Variants in SEC16B observed in about 807,000 individuals in gnomAD.
SEC16B encodes the protein SEC16 homolog B, endoplasmic reticulum export factor.
In SEC16B, 115 loss-of-function variants were observed where a neutral mutation model predicts 141.8. The observed-to-expected ratio is 0.81, with a 90% CI of 0.70 to 0.95. SEC16B has a LOEUF of 0.95. SEC16B is among the 40% of genes least tolerant of loss of function. The pLI is 0.00. For synonymous variants in SEC16B, 493 were observed against 492.5 expected (o/e 1.00, Z -0.01); for missense variants, 1,291 against 1,312.3 (o/e 0.98, Z 0.25).
chr1:177,967,993 T>C lies in SEC16B; in HGVS notation c.-12A>G, dbSNP rs561382370. On this transcript the variant is annotated 5_prime_UTR_variant, in exon 2 of 26. Coordinates refer to ENST00000308284, the MANE Select transcript of SEC16B (RefSeq NM_033127.4). The stretch of plus-strand genomic sequence containing the variant: ...GCCCAAAGTTCCATCCTTGACTCTC[T>C]GAATTTGTCCTGGGTTTTGAGTAAG... The C allele has an allele frequency of 1.3e-6, 2 of 1,587,484 alleles. No homozygotes were observed. Among genetic ancestry groups the C allele is most frequent in the African/African-American group, 1.3e-5 (1 of 74,266 alleles).
At position 177,964,950 on chromosome 1, in the gene SEC16B, T is replaced by C; in HGVS notation, c.533+97A>G. ...GCTACAACAAAGGTACATGGGCTTCTGGAGGTGAGATGGCAGCATCAGACG... is the reference window on the plus strand; with the variant it reads ...GCTACAACAAAGGTACATGGGCTTCCGGAGGTGAGATGGCAGCATCAGACG... On this transcript the variant is annotated intron_variant, in intron 4 of 25. Coordinates refer to ENST00000308284, the MANE Select transcript of SEC16B (RefSeq NM_033127.4). 3.5e-6 allele frequency: 5 copies of C among 1,420,998 alleles called. No homozygotes were observed. In the Admixed American group the frequency reaches 5.8e-5, roughly 16 times the overall value. The allele number at this position is 1,420,998 out of a possible 1,614,324, so 88.0% of individuals were successfully genotyped here.
Position 177,932,854 on chromosome 1 carries a change from C to T in SEC16B, c.2824-48G>A, listed in dbSNP as rs535467411. ...CAGCATTGGCAACATTGGCAGTTAA[C>T]AAATTGATGCCCGCCAATTTGTGTT... On this transcript the variant is annotated intron_variant, in intron 22 of 25. Transcript: ENST00000308284. The T allele has an allele frequency of 1.2e-5, 19 of 1,520,852 alleles. 1 individual carries two copies. The South Asian group carries it at 2.2e-4, about 18-fold the overall frequency. The allele number at this position is 1,520,852 out of a possible 1,614,324, so 94.2% of individuals were successfully genotyped here. A position where few individuals can be genotyped will look rare whatever the true frequency, so the allele number is the denominator to read the frequency against.
At chr1:177,946,597 G>A (rs1225144861) in intron 13 of SEC16B, 66 bp from the exon 14 acceptor site, 1 of 1,259,960 alleles carries the variant, frequency 7.9e-7, no homozygotes, top group Non-Finnish European at 1.1e-6. Context: ...TCATCTGGGT[G>A]GGATGGGAGA....
In SEC16B at chr1:177,967,931, T is replaced by C. The variant is rs1462834246; in HGVS notation, c.51A>G (p.Thr17=). 6.2e-7 allele frequency: 1 copy of C among 1,613,770 alleles called. No homozygotes were observed. The highest frequency in any genetic ancestry group is 8.5e-7 in the Non-Finnish European group (1 of 1,179,684). ...CTCGGTCTGGATCCTTTGAGGGTGCTGTGGCCTTCCCTCGTGTCTGGGGCA... is the reference window on the plus strand; with the variant it reads ...CTCGGTCTGGATCCTTTGAGGGTGCCGTGGCCTTCCCTCGTGTCTGGGGCA... ...QRLPQTRGKA[T]APSKDPDRGF... The change falls in exon 2 of 26, where the codon ACA becomes ACG. Residue 17 remains threonine (T), a synonymous_variant. Coordinates refer to ENST00000308284, the MANE Select transcript of SEC16B (RefSeq NM_033127.4).
Position 177,933,636 on chromosome 1 carries a change from T to A in SEC16B, c.2572A>T (p.Thr858Ser). The A allele has an allele frequency of 6.2e-7, 1 of 1,613,702 alleles. No individual in the cohort carries two copies. The highest frequency in any genetic ancestry group is 8.5e-7 in the Non-Finnish European group (1 of 1,179,748). ...DGQEVISKPQ[T>S]PLAARPRSIS... Reference sequence around the variant, plus strand: ...CTTCGTGGTCTAGCAGCCAATGGTGTCTGGAATTAAAGAAATAACTCACAT... The same window carrying A: ...CTTCGTGGTCTAGCAGCCAATGGTGACTGGAATTAAAGAAATAACTCACAT... Residue 858 changes from threonine to serine, a missense_variant and splice_region_variant, in exon 21 of 26, where the codon ACA (threonine) becomes TCA (serine). By Grantham distance (58) the Thr-to-Ser change is moderately conservative (BLOSUM62 1). This residue lies in a region of SEC16B where 605 missense variants were observed against 614.1 expected (regional missense o/e 0.99). Transcript: ENST00000308284.
intron 1 of SEC16B, among the ~76,000 whole-genome samples, chr1:177,977,011 C>T (rs1273527467): frequency 2.0e-5 from 3 of 152,132 alleles, no homozygotes; most frequent in East Asian, 3.8e-4. Context: ...CAGGATGCCA[C>T]GGATACTCAT....
Position 177,933,276 on chromosome 1 carries a change from T to C in SEC16B, c.2761A>G (p.Lys921Glu), listed in dbSNP as rs1470996393. 1.9e-6 allele frequency: 3 copies of C among 1,601,112 alleles called. No individual in the cohort carries two copies. The highest frequency in any genetic ancestry group is 2.6e-6 in the Non-Finnish European group (3 of 1,174,028). ...GCGGGGGATGCGTTCTTGGTGGGCT[T>C]CGATCGAAACCAGCTGAACCAGCCA... ...GFGWFSWFRS[K>E]PTKNASPAGD... The change falls in exon 22 of 26, where the codon AAG becomes GAG. Residue 921 changes from lysine (K) to glutamate (E), a missense_variant. Transcript: ENST00000308284.
intron 1 of SEC16B, among the ~76,000 whole-genome samples, chr1:177,978,700 CAAATAAATAAATAAAT>C (rs3040686): frequency 8.0e-5 from 11 of 137,610 alleles, no homozygotes; most frequent in Admixed American, 2.3e-4. Context: ...GACCCTGTCT[CAAATAAATAAATAAAT>C]AAATAAATAA....
At chr1:177,938,728 T>C (rs1651052263) in intron 18 of SEC16B, among the ~76,000 whole-genome samples, 1 of 152,222 alleles carries the variant, frequency 6.6e-6, no homozygotes, top group Non-Finnish European at 1.5e-5. Context: ...TATTTTTTGA[T>C]AAATTATTTC....
At chr1:177,962,168 G>T (rs1653119461) in intron 5 of SEC16B, among the ~76,000 whole-genome samples, 1 of 152,012 alleles carries the variant, frequency 6.6e-6, no homozygotes, top group Non-Finnish European at 1.5e-5. Context: ...CCACCTCCTG[G>T]GTTCAAGCGA....
At position 177,933,533 on chromosome 1, in the gene SEC16B, C is replaced by G; in HGVS notation, c.2675G>C (p.Arg892Pro). 6.2e-7 allele frequency: 1 copy of G among 1,613,828 alleles called. No homozygotes were observed. The highest frequency in any genetic ancestry group is 8.5e-7 in the Non-Finnish European group (1 of 1,179,854). Residue 892 changes from arginine to proline, a missense_variant, in exon 21 of 26, where the codon CGA becomes CCA. By Grantham distance (103) the Arg-to-Pro change is moderately radical (BLOSUM62 -2). Around this residue, in one of 3 missense-constraint regions of SEC16B, gnomAD observed 605 missense variants for 614.1 expected, o/e 0.99. Transcript: ENST00000308284. Reference sequence around the variant, plus strand: ...GAGCTTGCCTCTCTGGGCAGTATTTCGGGGAGAGTTTTTATCAGCCTCATC... The same window carrying G: ...GAGCTTGCCTCTCTGGGCAGTATTTGGGGGAGAGTTTTTATCAGCCTCATC... ...SSDEADKNSP[R>P]NTAQRGKLGD...
At chr1:177,964,952 G>A in intron 4 of SEC16B, 95 bp downstream of exon 4, 1 of 1,426,936 alleles carries the variant, frequency 7.0e-7, no homozygotes. Flanking sequence ...TGGGCTTCTG[G>A]AGGTGAGATG....
chr1:177,948,345 C>A (rs552584663), intron 12 of SEC16B: 979 of 1,304,218 alleles, frequency 7.5e-4, no homozygotes, highest in Non-Finnish European at 9.1e-4. Context: ...GAGGCCACAG[C>A]CTGTCACAGA....
At chr1:177,954,224 T>G in intron 11 of SEC16B, 55 bp downstream of exon 11, 1 of 1,327,114 alleles carries the variant, frequency 7.5e-7, no homozygotes, top group Admixed American at 2.0e-5. Flanking sequence ...ATCCTCCACC[T>G]TTGGTGAGGA....
chr1:177,945,247 AG>A (rs1464307324), intron 14 of SEC16B: 4 of 152,302 alleles, frequency 2.6e-5, no homozygotes, highest in African/African-American at 9.7e-5. Flanking sequence ...TGGTTGGGGC[AG>A]GTGGTGGGCA....
At position 177,929,538 on chromosome 1, in the gene SEC16B, G is replaced by A. The variant is rs1354956876; in HGVS notation, c.*320C>T. 2 of 342,592 alleles carry A rather than the reference G, an allele frequency of 5.8e-6. No individual in the cohort carries two copies. The highest frequency in any genetic ancestry group is 4.2e-5 in the African/African-American group (2 of 48,182). The allele number at this position is 342,592 out of a possible 1,614,324, so 21.2% of individuals were successfully genotyped here. On this transcript the variant is annotated 3_prime_UTR_variant, in exon 26 of 26. Transcript: ENST00000308284. ...ATCATCTTTGATTCTAGCTGTTAGG[G>A]CCCTAATTTCCCCAAGGCTCTCAAG...
At chr1:177,937,158 T>G in intron 19 of SEC16B, 56 bp downstream of exon 19, 1 of 1,528,298 alleles carries the variant, frequency 6.5e-7, no homozygotes. Context: ...CCTTTCCTGC[T>G]TCCTCCCCAC....
intron 9 of SEC16B, among the ~76,000 whole-genome samples, chr1:177,958,593 C>T (rs143804711): frequency 6.6e-6 from 1 of 152,196 alleles, no homozygotes. Flanking sequence ...CACAATTTCA[C>T]AGGTATATTA....
At chr1:177,978,410 C>A (rs1039249911) in intron 1 of SEC16B, among the ~76,000 whole-genome samples, 2 of 152,052 alleles carry the variant, frequency 1.3e-5, no homozygotes, top group East Asian at 3.9e-4. Context: ...TTTAAAAGAG[C>A]ATAGCACTAT....
Sources: allele counts gnomAD v4.1 joint callset (sites outside exome capture counted in the v4.1 genomes callset), GRCh38; gene constraint gnomAD v4.1.1; regional missense constraint gnomAD v4.1.1; transcripts MANE v1.5; gene names NCBI Gene and HGNC (gene_info 2026-07-23, HGNC 2026-07-21).